TMEM131: variants seen among roughly 807,000 people sequenced by gnomAD.
The protein encoded by TMEM131 is 2610524E03Rik.
Under a neutral mutation model 211.6 loss-of-function variants are expected in TMEM131, and 66 were observed. The observed-to-expected ratio is 0.31, with a 90% CI of 0.26 to 0.38. The LOEUF is 0.38. Ranked by LOEUF, TMEM131 falls within the 10% of genes least tolerant of loss-of-function variation. The probability of loss-of-function intolerance (pLI) is 1.00; values close to 1 mark genes in which losing one functional copy is unlikely to be tolerated. For synonymous variants in TMEM131, 844 were observed against 841.3 expected (o/e 1.00, Z -0.06); for missense variants, 2,036 against 2,299.3 (o/e 0.89, Z 2.34).
At chr2:97,799,907 C>A (rs1264882388) in intron 25 of TMEM131, among the ~76,000 whole-genome samples, 1 of 151,958 alleles carries the variant, frequency 6.6e-6, no homozygotes, top group Non-Finnish European at 1.5e-5. Flanking sequence ...TGAGAATCTA[C>A]CTGTCTATTA....
intron 1 of TMEM131, among the ~76,000 whole-genome samples, chr2:97,953,814 T>C (rs942000684): frequency 2.0e-5 from 3 of 152,194 alleles, no homozygotes; most frequent in African/African-American, 7.2e-5. Flanking sequence ...TTTCCAACTA[T>C]AATGCTGGTG....
chr2:97,852,959 ATCTAT>A (rs1438714661), intron 5 of TMEM131, among the ~76,000 whole-genome samples: 6 of 152,260 alleles, frequency 3.9e-5, no homozygotes, highest in South Asian at 2.1e-4. Context: ...ATAACAGCAC[ATCTAT>A]TTATAACATG....
intron 1 of TMEM131, among the ~76,000 whole-genome samples, chr2:97,931,240 C>T (rs1677205567): frequency 1.3e-5 from 2 of 151,794 alleles, no homozygotes; most frequent in Non-Finnish European, 2.9e-5. Flanking sequence ...TGAAGCTGGG[C>T]TCAGTAAGAT....
At chr2:97,956,082 T>A (rs190692694) in intron 1 of TMEM131, among the ~76,000 whole-genome samples, 1 of 152,058 alleles carries the variant, frequency 6.6e-6, no homozygotes, top group East Asian at 1.9e-4. Flanking sequence ...AATATTAAGG[T>A]AGAGTAAGAG....
chr2:97,779,114 A>G (rs1679869524), intron 31 of TMEM131, among the ~76,000 whole-genome samples: 1 of 152,182 alleles, frequency 6.6e-6, no homozygotes, highest in Non-Finnish European at 1.5e-5. Flanking sequence ...CTGACTCAAC[A>G]GTTCTGGATA....
At chr2:97,868,542 T>C (rs1674363066) in intron 4 of TMEM131, among the ~76,000 whole-genome samples, 1 of 152,168 alleles carries the variant, frequency 6.6e-6, no homozygotes, top group African/African-American at 2.4e-5. Context: ...GCCCACAGAC[T>C]GCACTGGAGA....
rs563186892 is a variant in TMEM131 at position 97,952,829 on chromosome 2, G to A, written c.188-25342C>T. Among the ~76,000 whole-genome samples the A allele has an allele frequency of 1.1e-4, 17 of 152,252 alleles. No homozygotes were observed. In the East Asian group the frequency reaches 3.1e-3, roughly 28 times the overall value. On this transcript the variant is annotated intron_variant, in intron 1 of 40. Transcript: ENST00000186436. Reference sequence around the variant, plus strand: ...AGGAGGTCAAGCTGCAGTGAGCCATGATTGTGCCACTCACTGTACTCCTAC... The same window carrying A: ...AGGAGGTCAAGCTGCAGTGAGCCATAATTGTGCCACTCACTGTACTCCTAC...
intron 1 of TMEM131, among the ~76,000 whole-genome samples, chr2:97,941,762 A>G (rs1677741002): frequency 6.6e-6 from 1 of 152,236 alleles, no homozygotes; most frequent in African/African-American, 2.4e-5. Flanking sequence ...ATGCAAATCA[A>G]AACCACAATG....
intron 22 of TMEM131, among the ~76,000 whole-genome samples, chr2:97,803,570 T>C (rs942836628): frequency 6.6e-6 from 1 of 152,206 alleles, no homozygotes; most frequent in African/African-American, 2.4e-5. Flanking sequence ...AACTCTATTG[T>C]TGTAGTGTTA....
intron 1 of TMEM131, among the ~76,000 whole-genome samples, chr2:97,976,247 A>C (rs1679528569): frequency 6.6e-6 from 1 of 152,310 alleles, no homozygotes; most frequent in Middle Eastern, 3.4e-3. Context: ...ACTGGAAAAA[A>C]ACGTATTTGC....
intron 2 of TMEM131, among the ~76,000 whole-genome samples, chr2:97,923,627 TTAA>T (rs1196628465): frequency 2.0e-5 from 2 of 99,688 alleles, no homozygotes; most frequent in Non-Finnish European, 3.9e-5. Context: ...GTCTTTTTTT[TTAA>T]AAAAAAAAAA....
chr2:97,951,070 G>C (rs904728846), intron 1 of TMEM131, among the ~76,000 whole-genome samples: 2 of 152,176 alleles, frequency 1.3e-5, no homozygotes, highest in African/African-American at 2.4e-5. Context: ...CAGAAGCAGA[G>C]AGCAGAATAA....
At chr2:97,959,159 G>A (rs1312222238) in intron 1 of TMEM131, among the ~76,000 whole-genome samples, 1 of 152,160 alleles carries the variant, frequency 6.6e-6, no homozygotes, top group Non-Finnish European at 1.5e-5. Flanking sequence ...CAAGAAAACA[G>A]GAGAAGAGAA....
At chr2:97,835,017 T>C in intron 8 of TMEM131, 92 bp from the exon 9 acceptor site, 1 of 1,375,552 alleles carries the variant, frequency 7.3e-7, no homozygotes, top group East Asian at 2.3e-5. Context: ...GACTGAAAGA[T>C]GAGTATTCTA....
At chr2:97,765,880 A>G (rs1230261274) in intron 35 of TMEM131, among the ~76,000 whole-genome samples, 2 of 152,206 alleles carry the variant, frequency 1.3e-5, no homozygotes, top group Non-Finnish European at 2.9e-5. Context: ...CTGAAAAAAA[A>G]AAAGCCCTGA....
At chr2:97,772,127 A>G (rs901093407) in intron 33 of TMEM131, among the ~76,000 whole-genome samples, 170 bp downstream of exon 33, 1 of 152,224 alleles carries the variant, frequency 6.6e-6, no homozygotes, top group African/African-American at 2.4e-5. Flanking sequence ...ACAACAGTAC[A>G]TATCAGGTGA....
chr2:97,892,093 T>C (rs953490557), intron 3 of TMEM131, among the ~76,000 whole-genome samples: 5 of 152,328 alleles, frequency 3.3e-5, no homozygotes, highest in African/African-American at 1.2e-4. Context: ...ATATATATTC[T>C]CCCATAAACA....
intron 3 of TMEM131, among the ~76,000 whole-genome samples, chr2:97,904,433 CAT>C (rs1319234274): frequency 1.3e-5 from 2 of 152,034 alleles, no homozygotes; most frequent in African/African-American, 4.8e-5. Context: ...TATGAAAAAA[CAT>C]TAACAAATGA....
intron 1 of TMEM131, among the ~76,000 whole-genome samples, chr2:97,972,486 A>AGGCG (rs1237940040): frequency 2.3e-4 from 31 of 135,934 alleles, no homozygotes; most frequent in African/African-American, 8.3e-4. Flanking sequence ...GAGGGAGGGA[A>AGGCG]GGCGGGCAGG....
Sources: allele counts gnomAD v4.1 joint callset (sites outside exome capture counted in the v4.1 genomes callset), GRCh38; gene constraint gnomAD v4.1.1; transcripts MANE v1.5; gene names NCBI Gene and HGNC (gene_info 2026-07-23, HGNC 2026-07-21).